Variants in STXBP5L observed in about 807,000 individuals in gnomAD.
The protein encoded by STXBP5L is syntaxin-binding protein 5-like.
Under a neutral mutation model 144.5 loss-of-function variants are expected in STXBP5L, and 65 were observed. That is an observed-to-expected ratio of 0.45 (90% CI 0.37 to 0.55). The LOEUF (loss-of-function observed/expected upper bound fraction) is 0.55. Ranked by LOEUF, STXBP5L falls within the 20% of genes least tolerant of loss-of-function variation. The pLI, the probability that STXBP5L is intolerant of heterozygous loss-of-function variation, is 0.00. For synonymous variants in STXBP5L, 505 were observed against 469.6 expected, an observed-to-expected ratio of 1.08 and a Z score of -0.97; for missense variants, 1,298 against 1,405.5, an observed-to-expected ratio of 0.92 and a Z score of 1.22.
chr3:121,102,483 T>C (rs2043482493), intron 5 of STXBP5L, among the ~76,000 whole-genome samples: 1 of 152,132 alleles, frequency 6.6e-6, no homozygotes, highest in Non-Finnish European at 1.5e-5. Context: ...ATTCAATAAA[T>C]GGTGCTGTGA....
chr3:121,046,995 T>C (rs1278140941), intron 5 of STXBP5L, among the ~76,000 whole-genome samples: 1 of 152,138 alleles, frequency 6.6e-6, no homozygotes, highest in East Asian at 1.9e-4. Flanking sequence ...CCTTTAGCAC[T>C]ATAAACTTTC....
intron 5 of STXBP5L, among the ~76,000 whole-genome samples, chr3:121,090,433 A>G (rs2042721271): frequency 6.6e-6 from 1 of 152,118 alleles, no homozygotes; most frequent in Non-Finnish European, 1.5e-5. Flanking sequence ...GATTCTACTA[A>G]CCCAATTCTC....
intron 5 of STXBP5L, among the ~76,000 whole-genome samples, chr3:121,077,204 G>A (rs1260859252): frequency 6.6e-6 from 1 of 152,190 alleles, no homozygotes; most frequent in Non-Finnish European, 1.5e-5. Context: ...TCAGCACCCT[G>A]TCAAAACAGA....
At chr3:120,988,272 C>G (rs1205616374) in intron 3 of STXBP5L, among the ~76,000 whole-genome samples, 1 of 151,696 alleles carries the variant, frequency 6.6e-6, no homozygotes, top group Non-Finnish European at 1.5e-5. Context: ...ATTCTCTCTG[C>G]ACTGCTTTAG....
chr3:120,958,795 A>G (rs1394950728), intron 3 of STXBP5L, among the ~76,000 whole-genome samples: 1 of 152,200 alleles, frequency 6.6e-6, no homozygotes, highest in African/African-American at 2.4e-5. Context: ...CACAGCCAAT[A>G]TTATACTGAA....
chr3:121,316,000 C>CAA (rs201621147), intron 19 of STXBP5L, among the ~76,000 whole-genome samples: 172 of 97,340 alleles, frequency 1.8e-3, no homozygotes, highest in Admixed American at 6.8e-3. Context: ...GACTCTGTCT[C>CAA]AAAAAAAAAA....
rs577515033 is a variant in STXBP5L, at chr3:121,058,623, C to A, written c.470+13088C>A. Reference sequence around the variant, plus strand: ...TAAAAGTGTTCCTATTTCTCCAAATCCTCTCCAGCATCTGTTGTTTCCTGA... The same window carrying A: ...TAAAAGTGTTCCTATTTCTCCAAATACTCTCCAGCATCTGTTGTTTCCTGA... On this transcript the variant is annotated intron_variant, in intron 5 of 26. Transcript: ENST00000471454. Among the ~76,000 whole-genome samples the A allele has an allele frequency of 2.0e-5, 3 of 152,346 alleles. No individual in the cohort carries two copies. In the South Asian group the frequency reaches 6.2e-4, roughly 32 times the overall value.
intron 5 of STXBP5L, among the ~76,000 whole-genome samples, chr3:121,053,968 C>A (rs979328498): frequency 4.7e-4 from 72 of 152,202 alleles, no homozygotes; most frequent in Non-Finnish European, 8.8e-4. Flanking sequence ...GACATTTATG[C>A]AGCCAAAAGA....
At chr3:121,097,149 C>G (rs2107763553) in intron 5 of STXBP5L, among the ~76,000 whole-genome samples, 1 of 152,314 alleles carries the variant, frequency 6.6e-6, no homozygotes, top group Admixed American at 6.5e-5. Context: ...ACTGGCTACT[C>G]AAGCTGCACC....
chr3:121,308,093 T>C (rs2043403185), intron 19 of STXBP5L, among the ~76,000 whole-genome samples: 1 of 152,034 alleles, frequency 6.6e-6, no homozygotes, highest in South Asian at 2.1e-4. Context: ...AACAACACAC[T>C]GGGGCCTGTT....
At chr3:121,070,328 G>A (rs1364805310) in intron 5 of STXBP5L, among the ~76,000 whole-genome samples, 2 of 152,184 alleles carry the variant, frequency 1.3e-5, no homozygotes, top group African/African-American at 4.8e-5. Flanking sequence ...AGCCATGCAG[G>A]AACTCACTGG....
intron 3 of STXBP5L, among the ~76,000 whole-genome samples, chr3:121,030,826 A>G (rs182992001): frequency 6.6e-6 from 1 of 152,178 alleles, no homozygotes; most frequent in East Asian, 1.9e-4. Context: ...TTTTAGGAAA[A>G]TTCAATGGCT....
At chr3:121,364,638 A>G (rs1350921895) in intron 20 of STXBP5L, among the ~76,000 whole-genome samples, 1 of 151,972 alleles carries the variant, frequency 6.6e-6, no homozygotes, top group Non-Finnish European at 1.5e-5. Flanking sequence ...GTAATGTTTT[A>G]TAGATATCAT....
intron 20 of STXBP5L, among the ~76,000 whole-genome samples, chr3:121,319,143 G>A (rs1411640105): frequency 1.3e-5 from 2 of 151,970 alleles, no homozygotes; most frequent in East Asian, 3.9e-4. Context: ...TGACTGGTTG[G>A]CCTGTTTTTT....
At chr3:121,366,591 A>T (rs538139086) in intron 20 of STXBP5L, among the ~76,000 whole-genome samples, 1 of 152,184 alleles carries the variant, frequency 6.6e-6, no homozygotes, top group South Asian at 2.1e-4. Flanking sequence ...TTTGCATGGA[A>T]TCTCTTTCTC....
chr3:121,191,840 G>A (rs1056282908), intron 9 of STXBP5L, among the ~76,000 whole-genome samples: 2 of 151,386 alleles, frequency 1.3e-5, no homozygotes, highest in African/African-American at 4.9e-5. Context: ...GCAAATTATT[G>A]CAAGGACAGA....
chr3:121,371,626 G>A lies in STXBP5L; in HGVS notation c.2177-7090G>A, dbSNP rs2046031071. Among the ~76,000 whole-genome samples, 3 of 152,208 alleles carry A rather than the reference G, an allele frequency of 2.0e-5. No homozygotes were observed. In the South Asian group the frequency reaches 6.2e-4, roughly 32 times the overall value. On this transcript the variant is annotated intron_variant, in intron 20 of 26. Transcript: ENST00000471454. Reference sequence around the variant, plus strand: ...AGTAGTGGCAGTATGTCTGGGGCGTGGGGGGCAGTGTGGACCAGGGGCCCC... The same window carrying A: ...AGTAGTGGCAGTATGTCTGGGGCGTAGGGGGCAGTGTGGACCAGGGGCCCC...
At chr3:121,046,583 C>A (rs1947531612) in intron 5 of STXBP5L, among the ~76,000 whole-genome samples, 1 of 152,066 alleles carries the variant, frequency 6.6e-6, no homozygotes, top group African/African-American at 2.4e-5. Flanking sequence ...CTGGCTCAAT[C>A]TTGGGAGTTT....
chr3:121,061,761 G>A (rs530336027), intron 5 of STXBP5L, among the ~76,000 whole-genome samples: 2 of 152,044 alleles, frequency 1.3e-5, no homozygotes, highest in East Asian at 1.9e-4. Flanking sequence ...TTGGTTTAAA[G>A]TCTGTTTTAT....
Sources: gnomAD v4.1 joint callset for allele counts (sites outside exome capture counted in the v4.1 genomes callset) on GRCh38, gnomAD v4.1.1 for gene constraint, MANE v1.5 for transcripts, NCBI Gene and HGNC (gene_info 2026-07-23, HGNC 2026-07-21) for gene names.